GRM4: variants seen among roughly 807,000 people sequenced by gnomAD.
GRM4 encodes metabotropic glutamate receptor 4.
A neutral mutation model predicts 81.7 loss-of-function variants in GRM4; 28 were observed. That is an observed-to-expected ratio of 0.34 (90% CI 0.25 to 0.47). The LOEUF (loss-of-function observed/expected upper bound fraction) is 0.47. GRM4 is among the 20% of genes least tolerant of loss of function. GRM4 has a pLI of 1.00. For synonymous variants in GRM4, 488 were observed against 528.8 expected, an observed-to-expected ratio of 0.92 and a Z score of 1.06; for missense variants, 948 against 1,290.0, an observed-to-expected ratio of 0.73 and a Z score of 4.06.
At position 34,044,601 on chromosome 6, in the gene GRM4, T is replaced by G. The variant is rs1421164088; in HGVS notation, c.1169-3853A>C. Among the ~76,000 whole-genome samples, 4 of 128,346 alleles carry G rather than the reference T, an allele frequency of 3.1e-5. No homozygotes were observed. The South Asian group carries it at 1.0e-3, about 33-fold the overall frequency. 84.2% of individuals were successfully genotyped at this position (128,346 alleles called of 152,430 possible). On this transcript the variant is annotated intron_variant, in intron 6 of 10. Coordinates refer to ENST00000538487, the MANE Select transcript of GRM4 (RefSeq NM_000841.4). The stretch of plus-strand genomic sequence containing the variant: ...ATATACACAGACACAGACACACACA[T>G]AGACATACATACATACACATATATA...
At chr6:34,107,120 G>T (rs1368353185) in intron 2 of GRM4, among the ~76,000 whole-genome samples, 1 of 152,180 alleles carries the variant, frequency 6.6e-6, no homozygotes, top group Non-Finnish European at 1.5e-5. Flanking sequence ...GGGTATCTCC[G>T]AAGCCAGGGG....
rs997434111 is a variant in GRM4 at position 34,089,113 on chromosome 6, C to T, written c.736+2770G>A. Among the ~76,000 whole-genome samples the T allele has an allele frequency of 6.6e-6, 1 of 152,156 alleles. No individual in the cohort carries two copies. The highest frequency in any genetic ancestry group is 1.5e-5 in the Non-Finnish European group (1 of 68,026). On this transcript the variant is annotated intron_variant, in intron 3 of 10. Transcript: ENST00000538487. The surrounding 1 kb of genome is among the most constrained non-coding windows in gnomAD (Gnocchi z 4.3). Reference sequence around the variant, plus strand: ...ATGCTCCTCTGAAGCACCCAGAGACCAGCACACAGTTGGCACCCAGGACTC... The same window carrying T: ...ATGCTCCTCTGAAGCACCCAGAGACTAGCACACAGTTGGCACCCAGGACTC...
chr6:34,093,237 C>G (rs893784168), intron 2 of GRM4, among the ~76,000 whole-genome samples: 5 of 152,176 alleles, frequency 3.3e-5, no homozygotes, highest in East Asian at 3.9e-4. Context: ...GTTGGGGGTG[C>G]CCCTGGCAAG....
intron 2 of GRM4, chr6:34,110,881 G>C (rs1769347315): frequency 7.7e-7 from 1 of 1,302,308 alleles, no homozygotes; most frequent in Admixed American, 3.9e-5. Context: ...ATAGCAGGAA[G>C]TTCCCCCCAG....
Position 34,136,764 on chromosome 6 carries a change from T to C in GRM4, c.-363-2905A>G, listed in dbSNP as rs2127513784. Among the ~76,000 whole-genome samples the C allele has an allele frequency of 6.6e-6, 1 of 152,184 alleles. No individual in the cohort carries two copies. The highest frequency in any genetic ancestry group is 2.1e-4 in the South Asian group (1 of 4,822). ...CCCAGCCCCTGCCCACAGGTCCCTA[T>C]CCACCCCTCAGTCCCACCAGGCCTG... On this transcript the variant is annotated intron_variant, in intron 1 of 10. Coordinates refer to ENST00000538487, the MANE Select transcript of GRM4 (RefSeq NM_000841.4). This position sits in a 1 kb window ranked among gnomAD's most constrained non-coding sequence, Gnocchi z 4.1.
At chr6:34,065,495 C>T (rs1766409876) in intron 3 of GRM4, among the ~76,000 whole-genome samples, 1 of 152,222 alleles carries the variant, frequency 6.6e-6, no homozygotes, top group Non-Finnish European at 1.5e-5. Flanking sequence ...CCTCCACTCC[C>T]CAGGCTCCAG....
At position 34,061,967 on chromosome 6, in the gene GRM4, G is replaced by A. The variant is rs1445691902; in HGVS notation, c.798C>T (p.Asp266=). The A allele has an allele frequency of 6.2e-7, 1 of 1,613,882 alleles. No homozygotes were observed. The highest frequency in any genetic ancestry group is 8.5e-7 in the Non-Finnish European group (1 of 1,179,868). The change falls in exon 4 of 11, where the codon GAC becomes GAT. Residue 266 remains aspartate, a synonymous_variant. Transcript: ENST00000538487. ...IPREPKAGEF[D]KIIRRLLETS... Reference sequence around the variant, plus strand: ...TCTCCAGGAGGCGGCGGATGATCTTGTCGAACTCGCCTGCCTTGGGCTCCC... The same window carrying A: ...TCTCCAGGAGGCGGCGGATGATCTTATCGAACTCGCCTGCCTTGGGCTCCC...
At chr6:34,145,356 G>A (rs540987851) in intron 1 of GRM4, among the ~76,000 whole-genome samples, 2 of 152,230 alleles carry the variant, frequency 1.3e-5, no homozygotes, top group South Asian at 4.1e-4. Context: ...AAGCGAGAGG[G>A]AGATCGGCGG....
intron 2 of GRM4, among the ~76,000 whole-genome samples, chr6:34,112,202 G>T (rs962459741): frequency 1.3e-4 from 20 of 152,138 alleles, no homozygotes; most frequent in African/African-American, 3.6e-4. Context: ...CTTAATGAAG[G>T]TTATTTATCC....
At chr6:34,124,242 C>T (rs1243605697) in intron 2 of GRM4, among the ~76,000 whole-genome samples, 1 of 152,150 alleles carries the variant, frequency 6.6e-6, no homozygotes, top group Non-Finnish European at 1.5e-5. Context: ...GTCCTGTCCC[C>T]GGGGTCTCTG....
In GRM4 at chr6:34,089,524, G is replaced by T. The variant is rs1287663467; in HGVS notation, c.736+2359C>A. Among the ~76,000 whole-genome samples, 2 of 152,088 alleles carry T rather than the reference G, an allele frequency of 1.3e-5. No individual in the cohort carries two copies. Among genetic ancestry groups the T allele is most frequent in the Non-Finnish European group, 2.9e-5 (2 of 68,022 alleles). On this transcript the variant is annotated intron_variant, in intron 3 of 10. Coordinates refer to ENST00000538487, the MANE Select transcript of GRM4 (RefSeq NM_000841.4). This position sits in a 1 kb window ranked among gnomAD's most constrained non-coding sequence, Gnocchi z 4.3. ...TGCACACTGGCATGGGGTGGCCTTG[G>T]AAGTTTGGGGACGTGGGAGGCCCAG...
At chr6:34,150,761 T>C (rs1209201989), upstream of GRM4, among the ~76,000 whole-genome samples, 2 of 152,200 alleles carry the variant, frequency 1.3e-5, no homozygotes, top group African/African-American at 4.8e-5. Flanking sequence ...GCAGGAAAAC[T>C]GCTTCTTCCT....
intron 9 of GRM4, among the ~76,000 whole-genome samples, chr6:34,029,953 C>T (rs760403434): frequency 6.6e-6 from 1 of 152,192 alleles, no homozygotes; most frequent in Non-Finnish European, 1.5e-5. Flanking sequence ...AAAATGAAAG[C>T]CTGTCCCCCA....
At chr6:34,150,172 A>AC (rs112980021), upstream of GRM4, among the ~76,000 whole-genome samples, 6,924 of 152,208 alleles carry the variant, frequency 0.045, 323 homozygotes, top group African/African-American at 0.11. Flanking sequence ...TTGTACCTGT[A>AC]CCCCACCTGC....
intron 2 of GRM4, among the ~76,000 whole-genome samples, chr6:34,107,477 C>A (rs1271865751): frequency 6.6e-6 from 1 of 152,192 alleles, no homozygotes; most frequent in Non-Finnish European, 1.5e-5. Flanking sequence ...CGGACCCACA[C>A]ACGAATACAC....
intron 6 of GRM4, among the ~76,000 whole-genome samples, chr6:34,044,227 CAG>C (rs1491038893): frequency 6.0e-5 from 9 of 150,716 alleles, no homozygotes; most frequent in African/African-American, 2.0e-4. Context: ...CACATATATA[CAG>C]ACACACACAT....
chr6:34,124,982 T>C (rs1177107127), intron 2 of GRM4, among the ~76,000 whole-genome samples: 1 of 151,972 alleles, frequency 6.6e-6, no homozygotes, highest in African/African-American at 2.4e-5. Flanking sequence ...ACACTTACTT[T>C]TTTTTTTCTG....
chr6:34,036,968 AC>A lies in GRM4; in HGVS notation c.1507-366del, dbSNP rs1764744871. Among the ~76,000 whole-genome samples, 1 of 152,190 alleles carries A rather than the reference AC, an allele frequency of 6.6e-6. No homozygotes were observed. The highest frequency in any genetic ancestry group is 1.5e-5 in the Non-Finnish European group (1 of 68,040). ...CTTAGCCCCTAAGGCCTTGCTGCTC[AC>A]AGTGGTCCCCAGGGCGGCAGCAGCA... On this transcript the variant is annotated intron_variant, in intron 8 of 10. Coordinates refer to ENST00000538487, the MANE Select transcript of GRM4 (RefSeq NM_000841.4). This position sits in a 1 kb window ranked among gnomAD's most constrained non-coding sequence, Gnocchi z 9.0.
intron 10 of GRM4, among the ~76,000 whole-genome samples, chr6:34,026,808 G>T (rs956751423): frequency 7.9e-5 from 12 of 152,168 alleles, no homozygotes; most frequent in Non-Finnish European, 1.6e-4. Flanking sequence ...TCCGGGAGGG[G>T]CTAATACCCC....
Sources: allele counts gnomAD v4.1 joint callset (sites outside exome capture counted in the v4.1 genomes callset), GRCh38; gene constraint gnomAD v4.1.1; non-coding constraint Gnocchi (gnomAD v3.1); transcripts MANE v1.5; gene names NCBI Gene and HGNC (gene_info 2026-07-23, HGNC 2026-07-21).